UGGT2: variants seen among roughly 807,000 people sequenced by gnomAD.
The protein encoded by UGGT2 is UDP-glucose:glycoprotein glucosyltransferase 2.
Under a neutral mutation model 192.1 loss-of-function variants are expected in UGGT2, and 180 were observed. The observed-to-expected ratio is 0.94, with a 90% CI of 0.83 to 1.06. UGGT2 has a LOEUF of 1.06. Ranked by LOEUF, UGGT2 falls within the 50% of genes least tolerant of loss-of-function variation. The probability of loss-of-function intolerance (pLI) is 0.00; values close to 1 mark genes in which losing one functional copy is unlikely to be tolerated. For missense variants in UGGT2, 1,849 were observed against 1,795.7 expected (o/e 1.03, Z -0.54); for synonymous variants, 580 against 591.0 (o/e 0.98, Z 0.27).
At chr13:96,018,369 A>G (rs2052403657) in intron 4 of UGGT2, among the ~76,000 whole-genome samples, 1 of 152,090 alleles carries the variant, frequency 6.6e-6, no homozygotes, top group Non-Finnish European at 1.5e-5. Context: ...TACAAAAATT[A>G]GCTGAGCATG....
intron 20 of UGGT2, among the ~76,000 whole-genome samples, chr13:95,917,633 T>TA (rs1300858891): frequency 4.6e-5 from 7 of 151,800 alleles, no homozygotes. Flanking sequence ...GGATAAAGAG[T>TA]GGAGACCCAT....
At chr13:95,877,899 T>A (rs748040546) in intron 27 of UGGT2, 43 bp from the exon 28 acceptor site, 2 of 1,540,780 alleles carry the variant, frequency 1.3e-6, no homozygotes, top group South Asian at 2.5e-5. Flanking sequence ...TATGTAAAAC[T>A]CATAATACAA....
At chr13:96,001,632 C>T (rs952835084) in intron 5 of UGGT2, among the ~76,000 whole-genome samples, 1 of 152,142 alleles carries the variant, frequency 6.6e-6, no homozygotes, top group Non-Finnish European at 1.5e-5. Context: ...CTTGGGAGAA[C>T]ATTTAAAAAA....
At chr13:95,824,423 C>A (rs1306512531) in intron 38 of UGGT2, among the ~76,000 whole-genome samples, 5 of 147,828 alleles carry the variant, frequency 3.4e-5, no homozygotes, top group Admixed American at 1.3e-4. Flanking sequence ...CTCAGGAACA[C>A]CAATTATTCT....
chr13:95,903,095 T>C (rs2048159616), intron 20 of UGGT2, 35 bp from the exon 21 acceptor site: 3 of 1,561,780 alleles, frequency 1.9e-6, no homozygotes, highest in Admixed American at 3.7e-5. Flanking sequence ...AAGACCAGTA[T>C]CATACATATC....
At chr13:95,892,517 G>A (rs1031612413) in intron 24 of UGGT2, among the ~76,000 whole-genome samples, 1 of 152,014 alleles carries the variant, frequency 6.6e-6, no homozygotes, top group African/African-American at 2.4e-5. Flanking sequence ...GAAAAAAAAG[G>A]GTGAAGAACT....
intron 19 of UGGT2, 60 bp from the exon 20 acceptor site, chr13:95,925,834 A>G: frequency 8.3e-7 from 1 of 1,206,604 alleles, no homozygotes; most frequent in Non-Finnish European, 1.1e-6. Flanking sequence ...AAACAAAAGC[A>G]GGGGAACATG....
At chr13:95,927,185 T>G (rs764454251) in intron 18 of UGGT2, 28 bp downstream of exon 18, 1 of 1,608,964 alleles carries the variant, frequency 6.2e-7, no homozygotes. Flanking sequence ...TCAATAAACA[T>G]TTGTAGAACA....
At chr13:95,803,445 A>G (rs1884160804) in intron 38 of UGGT2, among the ~76,000 whole-genome samples, 1 of 152,012 alleles carries the variant, frequency 6.6e-6, no homozygotes, top group African/African-American at 2.4e-5. Context: ...TGTTTAGTAG[A>G]GACGGAGTTT....
intron 38 of UGGT2, among the ~76,000 whole-genome samples, chr13:95,825,213 T>C (rs1006925255): frequency 6.6e-6 from 1 of 152,164 alleles, no homozygotes; most frequent in African/African-American, 2.4e-5. Flanking sequence ...CTCCCCAGTA[T>C]TTTATTTACT....
chr13:95,948,151 A>T, intron 13 of UGGT2, 70 bp from the exon 14 acceptor site: 1 of 1,267,218 alleles, frequency 7.9e-7, no homozygotes, highest in Non-Finnish European at 1.1e-6. Flanking sequence ...GTTTAGACTA[A>T]TTTTTGTGAC....
chr13:95,951,945 C>T (rs2050075993), intron 12 of UGGT2, among the ~76,000 whole-genome samples: 1 of 151,980 alleles, frequency 6.6e-6, no homozygotes, highest in African/African-American at 2.4e-5. Flanking sequence ...GTAGTGCCAA[C>T]TACTCAGGAG....
intron 38 of UGGT2, among the ~76,000 whole-genome samples, chr13:95,803,607 T>G (rs1884168476): frequency 6.6e-6 from 1 of 152,126 alleles, no homozygotes; most frequent in Admixed American, 6.5e-5. Context: ...TAAAGCGCCC[T>G]CATTTGGGCT....
chr13:96,008,415 C>T (rs2052050074), intron 5 of UGGT2, among the ~76,000 whole-genome samples: 1 of 152,094 alleles, frequency 6.6e-6, no homozygotes. Context: ...AAAAGGCATC[C>T]AAATAGGGAA....
chr13:95,979,458 T>C (rs1280541550), intron 10 of UGGT2, among the ~76,000 whole-genome samples: 2 of 150,906 alleles, frequency 1.3e-5, no homozygotes, highest in Non-Finnish European at 2.9e-5. Context: ...CAAAATTTTC[T>C]CCCAAAGTTT....
intron 38 of UGGT2, among the ~76,000 whole-genome samples, chr13:95,821,175 ATAGAGG>A (rs1885473658): frequency 6.6e-6 from 1 of 152,122 alleles, no homozygotes; most frequent in South Asian, 2.1e-4. Flanking sequence ...ACTGTTTTCC[ATAGAGG>A]CTGCACTAAT....
At chr13:96,040,856 C>T (rs1038544725) in intron 1 of UGGT2, among the ~76,000 whole-genome samples, 13 of 152,068 alleles carry the variant, frequency 8.5e-5, no homozygotes, top group Admixed American at 1.3e-4. Context: ...AAGCCAGATA[C>T]TGTAACAAGC....
intron 1 of UGGT2, among the ~76,000 whole-genome samples, chr13:96,036,846 G>A (rs1022890691): frequency 8.6e-5 from 13 of 151,326 alleles, no homozygotes; most frequent in Non-Finnish European, 1.6e-4. Context: ...TTTAGCCTGG[G>A]AGGTCTCAAG....
intron 12 of UGGT2, among the ~76,000 whole-genome samples, chr13:95,961,779 A>T (rs2050400565): frequency 6.6e-6 from 1 of 152,208 alleles, no homozygotes; most frequent in Non-Finnish European, 1.5e-5. Context: ...ATAGCTACAA[A>T]ATACACATTC....
Sources: gnomAD v4.1 joint callset for allele counts (sites outside exome capture counted in the v4.1 genomes callset) on GRCh38, gnomAD v4.1.1 for gene constraint, MANE v1.5 for transcripts, NCBI Gene and HGNC (gene_info 2026-07-23, HGNC 2026-07-21) for gene names.